The following MROH1 variants were observed in gnomAD, a reference collection of about 807,000 sequenced individuals.
MROH1 encodes the protein maestro heat like repeat family member 1, also known as maestro heat-like repeat-containing protein family member 1.
A neutral mutation model predicts 116.5 loss-of-function variants in MROH1; 117 were observed. The observed-to-expected ratio is 1.00, with a 90% confidence interval of 0.86 to 1.17. The LOEUF (loss-of-function observed/expected upper bound fraction) is 1.17. MROH1 is among the 50% of genes most tolerant of loss of function. MROH1 has a pLI of 0.00. For missense variants in MROH1, 1,873 were observed against 1,338.5 expected, an observed-to-expected ratio of 1.40 and a Z score of -6.23; for synonymous variants, 921 against 583.9, an observed-to-expected ratio of 1.58 and a Z score of -8.32.
intron 14 of MROH1, among the ~76,000 whole-genome samples, chr8:144,228,620 C>T (rs1838248504): frequency 6.6e-6 from 1 of 152,180 alleles, no homozygotes; most frequent in Non-Finnish European, 1.5e-5. Flanking sequence ...CACGCCACCA[C>T]ACCCAGCTAA....
chr8:144,214,895 C>G (rs897317031), intron 12 of MROH1, among the ~76,000 whole-genome samples: 6 of 152,216 alleles, frequency 3.9e-5, no homozygotes, highest in Middle Eastern at 3.2e-3. Context: ...CAGTCCCAGT[C>G]CCACAGCTGA....
At chr8:144,199,563 AGCC>A (rs113972532) in intron 11 of MROH1, among the ~76,000 whole-genome samples, 2,386 of 152,158 alleles carry the variant, frequency 0.016, 51 homozygotes, top group African/African-American at 0.052. Flanking sequence ...TGTGGCTGCT[AGCC>A]CTGGTCACCT....
intron 36 of MROH1, 129 bp downstream of exon 36, chr8:144,259,043 T>A: frequency 1.6e-6 from 1 of 643,358 alleles, no homozygotes; most frequent in East Asian, 2.7e-5. Context: ...TCCTGCCTGT[T>A]CACTCTCTGG....
chr8:144,183,563 T>C (rs934775523), intron 7 of MROH1, among the ~76,000 whole-genome samples: 1 of 151,502 alleles, frequency 6.6e-6, no homozygotes, highest in Non-Finnish European at 1.5e-5. Flanking sequence ...AGAGGGGAGG[T>C]GAGAGGTTAG....
chr8:144,232,355 T>C (rs553241363), intron 14 of MROH1, among the ~76,000 whole-genome samples: 2 of 152,180 alleles, frequency 1.3e-5, no homozygotes, highest in Non-Finnish European at 2.9e-5. Context: ...GACTTTATTA[T>C]GGATTTTATG....
At chr8:144,237,378 C>A (rs1310155698) in intron 14 of MROH1, among the ~76,000 whole-genome samples, 1 of 152,258 alleles carries the variant, frequency 6.6e-6, no homozygotes, top group Non-Finnish European at 1.5e-5. Context: ...GGCCCTGTTG[C>A]CCTTTCTGGC....
At chr8:144,164,121 T>G (rs1587789119) in intron 3 of MROH1, among the ~76,000 whole-genome samples, 1 of 142,134 alleles carries the variant, frequency 7.0e-6, no homozygotes, top group African/African-American at 2.6e-5. Context: ...TAAGACAGGG[T>G]CGGCTGGGCA....
chr8:144,252,064 C>T (rs913020159), intron 33 of MROH1: 5 of 195,128 alleles, frequency 2.6e-5, no homozygotes, highest in African/African-American at 9.6e-5. Context: ...TTCTCCTTGC[C>T]GGACAGTGCT....
rs1030360608 is a variant in MROH1, at chr8:144,243,435, C to T, written c.2353-59C>T. The T allele has an allele frequency of 0.018, 14,171 of 771,370 alleles. 1,393 individuals carry two copies. The African/African-American group carries it at 0.21, about 11-fold the overall frequency. The allele number at this position is 771,370 out of a possible 1,614,324, so 47.8% of individuals were successfully genotyped here. A position where few individuals can be genotyped will look rare whatever the true frequency, so the allele number is the denominator to read the frequency against. Reference sequence around the variant, plus strand: ...TTCAGAGGAAAGAAAAGGGGGTATGCGCGGGTTCAGCCCTGGAGGGCGGGC... The same window carrying T: ...TTCAGAGGAAAGAAAAGGGGGTATGTGCGGGTTCAGCCCTGGAGGGCGGGC... On this transcript the variant is annotated intron_variant, in intron 24 of 43. Transcript: ENST00000326134.
Position 144,180,380 on chromosome 8 carries a change from G to A in MROH1, c.463+40G>A, listed in dbSNP as rs369659559. 205 of 1,610,174 alleles carry A rather than the reference G, an allele frequency of 1.3e-4. No homozygotes were observed. The African/African-American group carries it at 1.5e-3, about 12-fold the overall frequency. On this transcript the variant is annotated intron_variant, in intron 6 of 43. Transcript: ENST00000326134. This position sits in a 1 kb window ranked among gnomAD's most constrained non-coding sequence, Gnocchi z 7.4. ...GCCTGCCCCAGGAGGAGCACGGGGC[G>A]CTGGAAGCCTTGGCGGAGGCCTTTG...
At chr8:144,212,401 A>G (rs966943648) in intron 12 of MROH1, among the ~76,000 whole-genome samples, 4 of 151,766 alleles carry the variant, frequency 2.6e-5, no homozygotes, top group African/African-American at 9.7e-5. Context: ...TTACCTTTTA[A>G]GACAGTAGTC....
rs371619564 is a variant in MROH1 at position 144,168,444 on chromosome 8, T to C, written c.168+4T>C. ...GTATCTGCGGCAGCATGACAAGGTA[T>C]GTGTGCTCCTTGGTGGGGATGATGT... On this transcript the variant is annotated splice_donor_region_variant and intron_variant, in intron 4 of 43. Coordinates refer to ENST00000326134, the MANE Select transcript of MROH1 (RefSeq NM_032450.3). The C allele has an allele frequency of 1.9e-6, 3 of 1,601,382 alleles. No homozygotes were observed. Among genetic ancestry groups the C allele is most frequent in the Non-Finnish European group, 1.7e-6 (2 of 1,174,376 alleles).
In MROH1 at chr8:144,192,306, C is replaced by T; in HGVS notation, c.856-3C>T. On this transcript the variant is annotated splice_region_variant and splice_polypyrimidine_tract_variant and intron_variant, in intron 9 of 43. Transcript: ENST00000326134. Reference sequence around the variant, plus strand: ...GACGGCCTCTTCTCCCTACCCGGAGCAGAGCCTGGGCCAGATCCTCGAGGC... The same window carrying T: ...GACGGCCTCTTCTCCCTACCCGGAGTAGAGCCTGGGCCAGATCCTCGAGGC... 1 of 1,588,384 alleles carries T rather than the reference C, an allele frequency of 6.3e-7. No individual in the cohort carries two copies. Among genetic ancestry groups the T allele is most frequent in the Non-Finnish European group, 8.5e-7 (1 of 1,170,132 alleles).
intron 33 of MROH1, chr8:144,251,030 G>A (rs1044099586): frequency 6.0e-6 from 1 of 167,874 alleles, no homozygotes; most frequent in Non-Finnish European, 1.3e-5. Context: ...CTGGCTTCCT[G>A]TGACCTCCGG....
In MROH1 at chr8:144,238,820, G is replaced by C; in HGVS notation, c.1403G>C (p.Arg468Pro). 1.4e-5 allele frequency: 11 copies of C among 775,000 alleles called. 1 individual carries two copies. The South Asian group carries it at 1.5e-4, about 10-fold the overall frequency. 48.0% of individuals were successfully genotyped at this position (775,000 alleles called of 1,614,324 possible). The change falls in exon 15 of 44, where the codon CGC becomes CCC. Residue 468 changes from arginine (R) to proline (P), a missense_variant. By Grantham distance (103) the Arg-to-Pro change is moderately radical. Transcript: ENST00000326134. ...GACAGCGTGCGGGCCATCAGCGTGC[G>C]CACCCTCTACCTGGTCAGCACCACC... ...KADSVRAISV[R>P]TLYLVSTTVD...
chr8:144,155,361 A>ATCTGTT (rs1817782560), intron 1 of MROH1, among the ~76,000 whole-genome samples: 3 of 152,252 alleles, frequency 2.0e-5, no homozygotes, highest in Admixed American at 6.5e-5. Context: ...TTCTTACAAC[A>ATCTGTT]GATTTGTGTA....
chr8:144,203,607 G>T (rs1015511530), intron 12 of MROH1, among the ~76,000 whole-genome samples: 8 of 152,096 alleles, frequency 5.3e-5, no homozygotes, highest in Admixed American at 4.6e-4. Context: ...AGAGGAGAGC[G>T]CCTGCAGCTT....
At chr8:144,169,455 G>A (rs10866904) in intron 4 of MROH1, among the ~76,000 whole-genome samples, 60,486 of 115,310 alleles carry the variant, frequency 0.52, 13,920 homozygotes, top group East Asian at 0.76. Flanking sequence ...ATTCATTATT[G>A]TTATTTTTTT....
chr8:144,261,266 G>A lies in MROH1; in HGVS notation c.4775-18G>A. On this transcript the variant is annotated intron_variant, in intron 42 of 43. Transcript: ENST00000326134. ...CCCACGCCGCCCGGCAGCCCCGCCT[G>A]ATGCCCCCACTTCACAGGGTTCCTG... is the stretch of plus-strand genomic sequence containing the variant. The A allele has an allele frequency of 1.3e-6, 1 of 747,912 alleles. No individual in the cohort carries two copies. Among genetic ancestry groups the A allele is most frequent in the Non-Finnish European group, 2.4e-6 (1 of 410,684 alleles). The allele number at this position is 747,912 out of a possible 1,614,324, so 46.3% of individuals were successfully genotyped here.
Sources: gnomAD v4.1 joint callset for allele counts (sites outside exome capture counted in the v4.1 genomes callset) on GRCh38, gnomAD v4.1.1 for gene constraint, Gnocchi (gnomAD v3.1) non-coding constraint, MANE v1.5 for transcripts, NCBI Gene and HGNC (gene_info 2026-07-23, HGNC 2026-07-21) for gene names.